Variants in RNF146 observed in about 807,000 individuals in gnomAD.
RNF146 encodes the protein ring finger protein 146.
Under a neutral mutation model 29.7 loss-of-function variants are expected in RNF146, and 11 were observed. The observed-to-expected ratio is 0.37, with a 90% confidence interval of 0.23 to 0.61. The LOEUF (loss-of-function observed/expected upper bound fraction) is 0.61. Among genes scored for constraint, RNF146 ranks in the 20% least tolerant of loss-of-function variants. RNF146 has a pLI of 0.66. For missense variants in RNF146, 342 were observed against 438.9 expected (o/e 0.78, Z 1.97); for synonymous variants, 150 against 159.7 (o/e 0.94, Z 0.46).
chr6:127,270,126 A>G (rs1200604779), intron 1 of RNF146, among the ~76,000 whole-genome samples: 13 of 152,122 alleles, frequency 8.5e-5, no homozygotes, highest in Non-Finnish European at 1.8e-4. Context: ...TGGGAGTATG[A>G]GTATTTTGAG....
chr6:127,270,592 A>AT (rs1777329772), intron 1 of RNF146, among the ~76,000 whole-genome samples: 1 of 152,192 alleles, frequency 6.6e-6, no homozygotes, highest in African/African-American at 2.4e-5. Flanking sequence ...CATGATTGTT[A>AT]TAAGTATTAC....
intron 1 of RNF146, among the ~76,000 whole-genome samples, chr6:127,267,614 C>T (rs1336216873): frequency 6.6e-6 from 1 of 152,130 alleles, no homozygotes; most frequent in Non-Finnish European, 1.5e-5. Flanking sequence ...TTCTCCTGCT[C>T]AGTGTCTCGG....
chr6:127,268,295 T>C (rs551735729), intron 1 of RNF146, among the ~76,000 whole-genome samples: 23 of 152,324 alleles, frequency 1.5e-4, no homozygotes, highest in Non-Finnish European at 2.4e-4. Context: ...TTGGAAGACT[T>C]AGGACATTTT....
chr6:127,284,340 G>T (rs1779253588), intron 2 of RNF146, among the ~76,000 whole-genome samples: 1 of 151,758 alleles, frequency 6.6e-6, no homozygotes, highest in East Asian at 1.9e-4. Context: ...AGATGTTGCT[G>T]TTGTTTTTCC....
chr6:127,284,120 G>A (rs1002433735), intron 2 of RNF146, among the ~76,000 whole-genome samples: 7 of 151,662 alleles, frequency 4.6e-5, no homozygotes, highest in African/African-American at 1.5e-4. Context: ...TGTATGTGAT[G>A]GAAAACTGAC....
chr6:127,278,662 T>G (rs1442473092), intron 1 of RNF146, among the ~76,000 whole-genome samples: 1 of 152,066 alleles, frequency 6.6e-6, no homozygotes, highest in Admixed American at 6.6e-5. Context: ...TGAGAACCTC[T>G]TCAATTCTAT....
At chr6:127,285,984 A>AT in intron 2 of RNF146, 1 of 1,151,012 alleles carries the variant, frequency 8.7e-7, no homozygotes, top group Non-Finnish European at 1.1e-6. Context: ...GAAATTATAA[A>AT]TTTTATGTCA....
chr6:127,267,437 G>A (rs994003711), intron 1 of RNF146, among the ~76,000 whole-genome samples: 22 of 152,204 alleles, frequency 1.4e-4, no homozygotes, highest in African/African-American at 5.3e-4. Flanking sequence ...GAGGTGTAGG[G>A]GCGGCGATGG....
chr6:127,267,272 G>A (rs955124367), intron 1 of RNF146, among the ~76,000 whole-genome samples: 2 of 152,158 alleles, frequency 1.3e-5, no homozygotes, highest in Admixed American at 6.5e-5. Flanking sequence ...GACGGCCGGA[G>A]CTGGTCTCGG....
intron 2 of RNF146, among the ~76,000 whole-genome samples, chr6:127,283,923 C>A (rs954274359): frequency 6.6e-6 from 1 of 151,730 alleles, no homozygotes; most frequent in Non-Finnish European, 1.5e-5. Context: ...TTTGCCTTTC[C>A]AATTATGTTA....
At chr6:127,275,455 A>C (rs1215226971) in intron 1 of RNF146, among the ~76,000 whole-genome samples, 1 of 152,114 alleles carries the variant, frequency 6.6e-6, no homozygotes, top group Non-Finnish European at 1.5e-5. Context: ...TCTGTTCCTC[A>C]CAATAGTTAC....
chr6:127,277,054 A>G (rs1311939504), intron 1 of RNF146, among the ~76,000 whole-genome samples: 6 of 152,190 alleles, frequency 3.9e-5, no homozygotes, highest in Non-Finnish European at 8.8e-5. Flanking sequence ...TTTCAAGGCT[A>G]TTTAAATAGG....
intron 1 of RNF146, among the ~76,000 whole-genome samples, chr6:127,274,824 C>T (rs1202888325): frequency 1.3e-5 from 2 of 152,106 alleles, no homozygotes; most frequent in African/African-American, 4.8e-5. Context: ...GTAATCCCAA[C>T]ACTTTGGGAG....
In RNF146 at chr6:127,280,231, C is replaced by A; in HGVS notation, c.-108C>A. On this transcript the variant is annotated splice_region_variant and 5_prime_UTR_variant, in exon 2 of 3. Transcript: ENST00000368314. ...TAATTACTCTTTTTTTCTTTTGCAGCACAAAGAATGAACCAGCAGTGGAAG... is the reference window on the plus strand; with the variant it reads ...TAATTACTCTTTTTTTCTTTTGCAGAACAAAGAATGAACCAGCAGTGGAAG... 2 of 1,049,056 alleles carry A rather than the reference C, an allele frequency of 1.9e-6. No homozygotes were observed. Among genetic ancestry groups the A allele is most frequent in the Non-Finnish European group, 2.8e-6 (2 of 704,276 alleles). The allele number at this position is 1,049,056 out of a possible 1,614,324, so 65.0% of individuals were successfully genotyped here.
At position 127,276,887 on chromosome 6, in the gene RNF146, G is replaced by A. The variant is rs192534573; in HGVS notation, c.-108-3344G>A. Among the ~76,000 whole-genome samples, 109 of 152,058 alleles carry A rather than the reference G, an allele frequency of 7.2e-4. 1 individual carries two copies. In the East Asian group the frequency reaches 0.017, roughly 24 times the overall value. Reference sequence around the variant, plus strand: ...AGGACTAAAGCATGAGTACCACCTGGGGTGAGATTCCTAGGTTTAAACCTA... The same window carrying A: ...AGGACTAAAGCATGAGTACCACCTGAGGTGAGATTCCTAGGTTTAAACCTA... On this transcript the variant is annotated intron_variant, in intron 1 of 2. Coordinates refer to ENST00000368314, the MANE Select transcript of RNF146 (RefSeq NM_001242850.2).
rs1309531957 is a variant in RNF146, at chr6:127,270,379, T to C, written c.-109+3454T>C. 2.0e-5 allele frequency among the ~76,000 whole-genome samples: 3 copies of C among 152,330 alleles called. No individual in the cohort carries two copies. In the East Asian group the frequency reaches 5.8e-4, roughly 29 times the overall value. ...ATACATCATCATATTAAGTTTGGTG[T>C]AAAATTTACAGGTCATTCATTCCAG... On this transcript the variant is annotated intron_variant, in intron 1 of 2. Coordinates refer to ENST00000368314, the MANE Select transcript of RNF146 (RefSeq NM_001242850.2).
chr6:127,285,453 A>T (rs1257835172), intron 2 of RNF146: 1 of 415,224 alleles, frequency 2.4e-6, no homozygotes, highest in East Asian at 1.6e-4. Context: ...TCAATCTCTG[A>T]CATCTTCATC....
intron 2 of RNF146, chr6:127,282,367 T>A (rs944291300): frequency 6.6e-6 from 1 of 151,742 alleles, no homozygotes; most frequent in Admixed American, 6.6e-5. Context: ...TTACTCATTT[T>A]CATGGCTCCA....
rs1429997261 is a variant in RNF146 at position 127,288,348 on chromosome 6, A to AGAG, written c.*656_*658dup. 30 of 166,934 alleles carry AGAG rather than the reference A, an allele frequency of 1.8e-4. No individual in the cohort carries two copies. In the Admixed American group the frequency reaches 2.0e-3, roughly 11 times the overall value. 10.3% of individuals were successfully genotyped at this position (166,934 alleles called of 1,614,324 possible). ...CAAAATTTATAATTTAATAAATACT[A>AGAG]GAGTTTATCAAAAACAGTTTGTCTC... On this transcript the variant is annotated 3_prime_UTR_variant, in exon 3 of 3. Coordinates refer to ENST00000368314, the MANE Select transcript of RNF146 (RefSeq NM_001242850.2).
Sources: gnomAD v4.1 joint callset for allele counts (sites outside exome capture counted in the v4.1 genomes callset) on GRCh38, gnomAD v4.1.1 for gene constraint, MANE v1.5 for transcripts, NCBI Gene and HGNC (gene_info 2026-07-23, HGNC 2026-07-21) for gene names.